The following DPY19L3 variants were observed in gnomAD, a reference collection of about 807,000 sequenced individuals.
DPY19L3 encodes the protein protein C-mannosyl-transferase DPY19L3.
Under a neutral mutation model 92.3 loss-of-function variants are expected in DPY19L3, and 51 were observed. That is an observed-to-expected ratio of 0.55 (90% CI 0.44 to 0.70). DPY19L3 has a LOEUF of 0.70. DPY19L3 is among the 30% of genes least tolerant of loss of function. DPY19L3 has a pLI of 0.00. For missense variants in DPY19L3, 706 were observed against 855.9 expected, an observed-to-expected ratio of 0.82 and a Z score of 2.18; for synonymous variants, 309 against 315.2, an observed-to-expected ratio of 0.98 and a Z score of 0.21.
At chr19:32,462,525 C>T (rs545790089) in intron 12 of DPY19L3, among the ~76,000 whole-genome samples, 1 of 152,072 alleles carries the variant, frequency 6.6e-6, no homozygotes, top group Non-Finnish European at 1.5e-5. Flanking sequence ...AAAAAATGAA[C>T]TTGTGTCTGA....
rs1262096470 is a variant in DPY19L3 at position 32,472,581 on chromosome 19, C to T, written c.1697+3768C>T. ...GGTGTCTCTTTCAGCAAAAGTCAGG[C>T]GGTAGTTTTAAAGGTTTTCTGTGCA... On this transcript the variant is annotated intron_variant, in intron 16 of 18. Coordinates refer to ENST00000392250, the MANE Select transcript of DPY19L3 (RefSeq NM_001172774.2). 2.7e-5 allele frequency among the ~76,000 whole-genome samples: 4 copies of T among 147,782 alleles called. No homozygotes were observed. The East Asian group carries it at 5.9e-4, about 22-fold the overall frequency.
chr19:32,477,520 A>G lies in DPY19L3; in HGVS notation c.1698-2A>G, dbSNP rs1970547561. The G allele has an allele frequency of 6.2e-7, 1 of 1,614,130 alleles. No homozygotes were observed. The highest frequency in any genetic ancestry group is 1.7e-5 in the Admixed American group (1 of 60,016). ...GTTAATTCAGACTCTAAAATCTTTCAGCTCTAACACTCCAAGAAAGGCTGT... is the reference window on the plus strand; with the variant it reads ...GTTAATTCAGACTCTAAAATCTTTCGGCTCTAACACTCCAAGAAAGGCTGT... On this transcript the variant is annotated splice_acceptor_variant, in intron 16 of 18. Transcript: ENST00000392250. LOFTEE classifies it high-confidence loss of function.
At chr19:32,449,509 C>G (rs955770958) in intron 8 of DPY19L3, among the ~76,000 whole-genome samples, 1 of 152,054 alleles carries the variant, frequency 6.6e-6, no homozygotes, top group African/African-American at 2.4e-5. Context: ...CTCACACTTT[C>G]CAATTACAAA....
chr19:32,475,226 G>C (rs185081868), intron 16 of DPY19L3, among the ~76,000 whole-genome samples: 1 of 152,342 alleles, frequency 6.6e-6, no homozygotes, highest in African/African-American at 2.4e-5. Context: ...GTGATGGTGA[G>C]ATAGTCTTGT....
chr19:32,441,194 G>C (rs117924523), intron 8 of DPY19L3, among the ~76,000 whole-genome samples: 1 of 152,094 alleles, frequency 6.6e-6, no homozygotes, highest in African/African-American at 2.4e-5. Context: ...GTTCATTTTA[G>C]TTGTATTGTA....
At chr19:32,446,519 G>A (rs931167617) in intron 8 of DPY19L3, among the ~76,000 whole-genome samples, 5 of 151,852 alleles carry the variant, frequency 3.3e-5, no homozygotes, top group Non-Finnish European at 7.4e-5. Flanking sequence ...GTAAGAGGAT[G>A]GAAAAAGATA....
chr19:32,444,305 C>T (rs1229381329), intron 8 of DPY19L3, among the ~76,000 whole-genome samples: 1 of 151,996 alleles, frequency 6.6e-6, no homozygotes, highest in East Asian at 1.9e-4. Flanking sequence ...TTCCAGTAAT[C>T]GAAGTTTAAA....
At chr19:32,423,212 A>G (rs1352891349) in intron 3 of DPY19L3, among the ~76,000 whole-genome samples, 2 of 152,106 alleles carry the variant, frequency 1.3e-5, no homozygotes, top group Non-Finnish European at 2.9e-5. Context: ...TATATTAGGT[A>G]CAAAAGTAAT....
chr19:32,467,754 A>G (rs1970241528), intron 15 of DPY19L3: 1 of 984,464 alleles, frequency 1.0e-6, no homozygotes, highest in Non-Finnish European at 1.2e-6. Context: ...TTGACCTTAG[A>G]ATGTATATAG....
At chr19:32,433,325 T>C (rs1218208892) in intron 4 of DPY19L3, among the ~76,000 whole-genome samples, 1 of 152,242 alleles carries the variant, frequency 6.6e-6, no homozygotes, top group Admixed American at 6.5e-5. Context: ...CTTGATCGGC[T>C]TAGCATGAGT....
chr19:32,457,750 C>T (rs558777345), intron 10 of DPY19L3, among the ~76,000 whole-genome samples: 12 of 152,290 alleles, frequency 7.9e-5, no homozygotes, highest in Non-Finnish European at 1.5e-4. Context: ...TTCAGATCAT[C>T]GTCTTGTCAG....
At chr19:32,450,112 A>T (rs1250755861) in intron 8 of DPY19L3, among the ~76,000 whole-genome samples, 1 of 152,190 alleles carries the variant, frequency 6.6e-6, no homozygotes. Flanking sequence ...AGATACATAA[A>T]TGTCCAATAA....
chr19:32,447,248 TAAG>T (rs1969529796), intron 8 of DPY19L3, among the ~76,000 whole-genome samples: 1 of 152,072 alleles, frequency 6.6e-6, no homozygotes, highest in Admixed American at 6.5e-5. Context: ...AAAGCAGTAT[TAAG>T]AAGAAAATGT....
chr19:32,464,930 G>T, intron 15 of DPY19L3, 146 bp downstream of exon 15: 1 of 411,208 alleles, frequency 2.4e-6, no homozygotes. Context: ...AGGTGACATT[G>T]ATGGGAAAAT....
intron 2 of DPY19L3, among the ~76,000 whole-genome samples, chr19:32,409,011 T>G (rs954868995): frequency 6.6e-6 from 1 of 152,214 alleles, no homozygotes; most frequent in African/African-American, 2.4e-5. Flanking sequence ...TGACAGAATT[T>G]ACATTATTTA....
At chr19:32,467,807 AAT>A (rs1156243820) in intron 15 of DPY19L3, 12 of 980,742 alleles carry the variant, frequency 1.2e-5, no homozygotes, top group Non-Finnish European at 1.5e-5. Flanking sequence ...TGATAAAAAC[AAT>A]TAAGATTTAG....
At chr19:32,429,127 G>A (rs988946483) in intron 3 of DPY19L3, among the ~76,000 whole-genome samples, 3 of 152,156 alleles carry the variant, frequency 2.0e-5, no homozygotes, top group African/African-American at 4.8e-5. Context: ...GATTACAGGC[G>A]TGAGCCACCA....
intron 3 of DPY19L3, chr19:32,412,408 T>A (rs1968217023): frequency 6.7e-6 from 1 of 149,426 alleles, no homozygotes; most frequent in Non-Finnish European, 1.5e-5. Context: ...TGGGTCACAG[T>A]ATACAAGGTA....
At chr19:32,458,330 T>A in intron 11 of DPY19L3, 21 bp from the exon 12 acceptor site, 3 of 1,606,686 alleles carry the variant, frequency 1.9e-6, no homozygotes, top group Non-Finnish European at 2.5e-6. Flanking sequence ...TTTAATACTT[T>A]GCTTTCCATT....
Sources: gnomAD v4.1 joint callset for allele counts (sites outside exome capture counted in the v4.1 genomes callset) on GRCh38, gnomAD v4.1.1 for gene constraint, MANE v1.5 for transcripts, NCBI Gene and HGNC (gene_info 2026-07-23, HGNC 2026-07-21) for gene names.